SSC5D: variants seen among roughly 807,000 people sequenced by gnomAD.
SSC5D encodes the protein scavenger receptor cysteine rich family member with 5 domains, also known as soluble scavenger receptor cysteine-rich domain-containing protein SSC5D.
Under a neutral mutation model 104.6 loss-of-function variants are expected in SSC5D, and 106 were observed. The ratio of observed to expected loss-of-function variants is 1.01; its 90% CI spans 0.87 to 1.19. The LOEUF (loss-of-function observed/expected upper bound fraction) is 1.19. Among genes scored for constraint, SSC5D ranks in the 50% most tolerant of loss-of-function variants. The pLI, the probability that SSC5D is intolerant of heterozygous loss-of-function variation, is 0.00. For missense variants in SSC5D, 1,993 were observed against 2,153.8 expected, an observed-to-expected ratio of 0.93 and a Z score of 1.48; for synonymous variants, 860 against 883.5, an observed-to-expected ratio of 0.97 and a Z score of 0.47.
At chr19:55,512,833 T>C (rs933115786) in intron 12 of SSC5D, among the ~76,000 whole-genome samples, 178 bp from the exon 13 acceptor site, 1 of 152,118 alleles carries the variant, frequency 6.6e-6, no homozygotes, top group African/African-American at 2.4e-5. Context: ...CCGTCGTTGG[T>C]AGCCAAAAAC....
chr19:55,514,265 C>T (rs1339706930), intron 13 of SSC5D, among the ~76,000 whole-genome samples: 5 of 151,654 alleles, frequency 3.3e-5, no homozygotes, highest in African/African-American at 7.3e-5. Context: ...ATTAGCCAGG[C>T]GTGGTGGTAG....
chr19:55,505,577 G>A (rs1987621391), intron 12 of SSC5D, among the ~76,000 whole-genome samples: 1 of 151,716 alleles, frequency 6.6e-6, no homozygotes, highest in South Asian at 2.1e-4. Flanking sequence ...GGCTCTAGGG[G>A]AGAATCCATT....
At position 55,504,212 on chromosome 19, in the gene SSC5D, G is replaced by A. The variant is rs1216733278; in HGVS notation, c.2785+3011G>A. ...CCCATAGCGCCCCCTCGTGGTGGAG[G>A]CGGGCACGTGCCGGGCACAGCGGCT... On this transcript the variant is annotated intron_variant, in intron 12 of 13. Transcript: ENST00000389623. 2.6e-6 allele frequency: 4 copies of A among 1,532,986 alleles called. No homozygotes were observed. The African/African-American group carries it at 5.5e-5, about 21-fold the overall frequency. 95.0% of individuals were successfully genotyped at this position (1,532,986 alleles called of 1,614,324 possible).
intron 12 of SSC5D, among the ~76,000 whole-genome samples, chr19:55,506,813 T>C (rs1339232565): frequency 6.6e-6 from 1 of 152,058 alleles, no homozygotes; most frequent in Non-Finnish European, 1.5e-5. Context: ...TACTAACTAC[T>C]GGGAGGTAGT....
chr19:55,494,797 T>C lies in SSC5D; in HGVS notation c.1387+14T>C, dbSNP rs1374651807. 1.3e-6 allele frequency: 2 copies of C among 1,527,372 alleles called. No homozygotes were observed. Among genetic ancestry groups the C allele is most frequent in the Non-Finnish European group, 1.8e-6 (2 of 1,131,994 alleles). 94.6% of individuals were successfully genotyped at this position (1,527,372 alleles called of 1,614,324 possible). On this transcript the variant is annotated intron_variant, in intron 8 of 13. Coordinates refer to ENST00000389623, the MANE Select transcript of SSC5D (RefSeq NM_001144950.2). ...GACCGGAAGCCGGTGAGTCCCTCCA[T>C]GCTCCCCAAGAAAACAGGGTCCTTC...
In SSC5D at chr19:55,518,212, C is replaced by T. The variant is rs772278975; in HGVS notation, c.3936C>T (p.Tyr1312=). The T allele has an allele frequency of 2.9e-4, 385 of 1,342,642 alleles. No individual in the cohort carries two copies. The highest frequency in any genetic ancestry group is 1.1e-3 in the Admixed American group (43 of 38,384). The allele number at this position is 1,342,642 out of a possible 1,614,324, so 83.2% of individuals were successfully genotyped here. A position where few individuals can be genotyped will look rare whatever the true frequency, so the allele number is the denominator to read the frequency against. ...CTCCTGACCCCACCACGACCCCTTA[C>T]CCCACCACTACTCCTGATCCCACCA... The part of the protein sequence containing the change: ...TMTPDPTTTP[Y]PTTTPDPTTT... Residue 1312 remains tyrosine, a synonymous_variant, in exon 14 of 14, where the codon TAC becomes TAT. Transcript: ENST00000389623.
chr19:55,498,247 G>T, intron 9 of SSC5D, 50 bp downstream of exon 9: 1 of 1,532,466 alleles, frequency 6.5e-7, no homozygotes, highest in South Asian at 1.2e-5. Flanking sequence ...TCCTGGAGGG[G>T]AACAGTAACT....
At position 55,503,485 on chromosome 19, in the gene SSC5D, C is replaced by G. The variant is rs1440189791; in HGVS notation, c.2785+2284C>G. ...GTCTCCCGCGTGCTCTCTTCTCTCTCCCCCTCGTTTCTCTCATGGTCAGCC... is the reference window on the plus strand; with the variant it reads ...GTCTCCCGCGTGCTCTCTTCTCTCTGCCCCTCGTTTCTCTCATGGTCAGCC... On this transcript the variant is annotated intron_variant, in intron 12 of 13. Transcript: ENST00000389623. The surrounding 1 kb of genome is among the most constrained non-coding windows in gnomAD (Gnocchi z 4.0). Among the ~76,000 whole-genome samples, 3 of 152,042 alleles carry G rather than the reference C, an allele frequency of 2.0e-5. No individual in the cohort carries two copies. The highest frequency in any genetic ancestry group is 4.4e-5 in the Non-Finnish European group (3 of 67,992).
intron 9 of SSC5D, among the ~76,000 whole-genome samples, 198 bp downstream of exon 9, chr19:55,498,395 T>G (rs533168579): frequency 6.6e-6 from 1 of 152,336 alleles, no homozygotes; most frequent in East Asian, 1.9e-4. Context: ...ATAAAGAAGC[T>G]GAGGCACAGA....
In SSC5D at chr19:55,493,653, G is replaced by C. The variant is rs1474253094; in HGVS notation, c.954G>C (p.Glu318Asp). Residue 318 changes from glutamate to aspartate, a missense_variant, in exon 7 of 14, where the codon GAG (glutamate) becomes GAC (aspartate). Glu to Asp is a conservative substitution (Grantham distance 45). Transcript: ENST00000389623. ...CCCACGGGTGCGCCGGCCGCCTGGA[G>C]GTCTGGCACGGGGGTCGCTGGGGGT... The part of the protein sequence containing the change: ...DGPHGCAGRL[E>D]VWHGGRWGSV... The C allele has an allele frequency of 6.6e-7, 1 of 1,503,794 alleles. No individual in the cohort carries two copies. Among genetic ancestry groups the C allele is most frequent in the Admixed American group, 2.2e-5 (1 of 44,850 alleles). 93.2% of individuals were successfully genotyped at this position (1,503,794 alleles called of 1,614,324 possible).
chr19:55,513,139 A>G lies in SSC5D; in HGVS notation c.2914A>G (p.Ser972Gly), dbSNP rs1987794488. The change falls in exon 13 of 14, where the codon AGT (serine) becomes GGT (glycine). Residue 972 changes from serine to glycine, a missense_variant. Coordinates refer to ENST00000389623, the MANE Select transcript of SSC5D (RefSeq NM_001144950.2). ...LGAGTTRSPG[S>G]PPTLRVHGDT... ...GGCTGGCACCACCAGGAGCCCAGGC[A>G]GTCCTCCAACTCTGAGAGTCCATGG... 2 of 1,533,240 alleles carry G rather than the reference A, an allele frequency of 1.3e-6. No individual in the cohort carries two copies. Among genetic ancestry groups the G allele is most frequent in the East Asian group, 4.9e-5 (2 of 40,748 alleles). The allele number at this position is 1,533,240 out of a possible 1,614,324, so 95.0% of individuals were successfully genotyped here.
chr19:55,489,081 C>A, intron 2 of SSC5D, 49 bp downstream of exon 2: 4 of 1,021,602 alleles, frequency 3.9e-6, no homozygotes, highest in Non-Finnish European at 5.3e-6. Context: ...CCCAGGCCTC[C>A]CCCTTCTGCC....
chr19:55,509,330 T>C (rs1002421933), intron 12 of SSC5D, among the ~76,000 whole-genome samples: 1 of 152,148 alleles, frequency 6.6e-6, no homozygotes. Flanking sequence ...TCTAAGGAGA[T>C]ACATCTGCTT....
chr19:55,502,894 C>A (rs979159714), intron 12 of SSC5D, among the ~76,000 whole-genome samples: 2 of 152,128 alleles, frequency 1.3e-5, no homozygotes, highest in Non-Finnish European at 2.9e-5. Context: ...CGGCTCACTG[C>A]AACCTCCACC....
intron 12 of SSC5D, among the ~76,000 whole-genome samples, chr19:55,501,691 C>T (rs1987509063): frequency 6.6e-6 from 1 of 152,182 alleles, no homozygotes; most frequent in African/African-American, 2.4e-5. Flanking sequence ...CCTCCAGGGC[C>T]ACAGCTCCAT....
intron 13 of SSC5D, among the ~76,000 whole-genome samples, chr19:55,516,167 C>CA (rs35777415): frequency 0.09 from 12,945 of 143,426 alleles, 1,590 homozygotes; most frequent in African/African-American, 0.29. Context: ...AAATTAATGC[C>CA]AAAAAAAAAA....
chr19:55,515,503 C>T (rs905122731), intron 13 of SSC5D, among the ~76,000 whole-genome samples: 2 of 151,388 alleles, frequency 1.3e-5, no homozygotes, highest in Admixed American at 1.3e-4. Context: ...GAGGCCGAAG[C>T]GGGCGGATCA....
chr19:55,505,548 AG>A (rs1211694891), intron 12 of SSC5D, among the ~76,000 whole-genome samples: 1 of 151,776 alleles, frequency 6.6e-6, no homozygotes, highest in African/African-American at 2.4e-5. Flanking sequence ...AGGCGCCAGC[AG>A]GGTGGTTCCC....
chr19:55,517,373 C>T lies in SSC5D; in HGVS notation c.3097C>T (p.His1033Tyr). ...TGACTCCAGTCGAGAGCTCACTCCCCACTCAGCCTTGACGTCCGAGGCGAC... is the reference window on the plus strand; with the variant it reads ...TGACTCCAGTCGAGAGCTCACTCCCTACTCAGCCTTGACGTCCGAGGCGAC... ...TSDSSRELTP[H>Y]SALTSEATSD... The change falls in exon 14 of 14, where the codon CAC becomes TAC. Residue 1033 changes from histidine (H) to tyrosine (Y), a missense_variant. By Grantham distance (83) the His-to-Tyr change is moderately conservative. Around this residue, in one of 6 missense-constraint regions of SSC5D, gnomAD observed 423 missense variants for 409.2 expected, o/e 1.03. Coordinates refer to ENST00000389623, the MANE Select transcript of SSC5D (RefSeq NM_001144950.2). 6.4e-7 allele frequency: 1 copy of T among 1,550,618 alleles called. No homozygotes were observed. The highest frequency in any genetic ancestry group is 8.7e-7 in the Non-Finnish European group (1 of 1,146,916).
Sources: allele counts gnomAD v4.1 joint callset (sites outside exome capture counted in the v4.1 genomes callset), GRCh38; gene constraint gnomAD v4.1.1; regional missense constraint gnomAD v4.1.1; non-coding constraint Gnocchi (gnomAD v3.1); transcripts MANE v1.5; gene names NCBI Gene and HGNC (gene_info 2026-07-23, HGNC 2026-07-21).